Variants in GPC5 observed in about 807,000 individuals in gnomAD.
The protein encoded by GPC5 is glypican-5.
GPC5 carries 47 observed loss-of-function variants against 53.9 expected under a neutral mutation model. That is an observed-to-expected ratio of 0.87 (90% CI 0.69 to 1.11). The LOEUF (loss-of-function observed/expected upper bound fraction) is 1.11, where lower values mean the gene tolerates loss of function less well. Among genes scored for constraint, GPC5 ranks in the 50% most tolerant of loss-of-function variants. The probability of loss-of-function intolerance (pLI) is 0.00; values close to 1 mark genes in which losing one functional copy is unlikely to be tolerated. For missense variants in GPC5, 748 were observed against 713.1 expected (o/e 1.05, Z -0.56); for synonymous variants, 286 against 263.3 (o/e 1.09, Z -0.84).
At chr13:92,797,400 A>G (rs1385939260) in intron 7 of GPC5, among the ~76,000 whole-genome samples, 2 of 151,874 alleles carry the variant, frequency 1.3e-5, no homozygotes, top group African/African-American at 2.4e-5. Flanking sequence ...CTTTAACATA[A>G]GATTTGGTTA....
intron 7 of GPC5, among the ~76,000 whole-genome samples, chr13:92,585,790 T>C (rs982809258): frequency 1.3e-5 from 2 of 152,162 alleles, no homozygotes; most frequent in African/African-American, 4.8e-5. Context: ...GTTCTCATGA[T>C]AGTGAGTAAG....
intron 7 of GPC5, among the ~76,000 whole-genome samples, chr13:92,249,909 G>A (rs1040428348): frequency 6.6e-6 from 1 of 151,896 alleles, no homozygotes; most frequent in Non-Finnish European, 1.5e-5. Flanking sequence ...GACTCTCCTG[G>A]TAGCTGTCTT....
At chr13:91,513,566 C>A (rs575061230) in intron 2 of GPC5, among the ~76,000 whole-genome samples, 185 of 152,156 alleles carry the variant, frequency 1.2e-3, no homozygotes, top group African/African-American at 4.2e-3. Flanking sequence ...CATAGTGAAA[C>A]CCTGTCTCTA....
intron 6 of GPC5, among the ~76,000 whole-genome samples, chr13:92,127,105 A>AG (rs1049932322): frequency 7.2e-5 from 11 of 152,070 alleles, no homozygotes; most frequent in Non-Finnish European, 1.2e-4. Flanking sequence ...TTATAATGGA[A>AG]GGGGGGGTGA....
intron 5 of GPC5, among the ~76,000 whole-genome samples, chr13:91,896,053 T>C (rs2039438402): frequency 6.6e-6 from 1 of 151,966 alleles, no homozygotes; most frequent in African/African-American, 2.4e-5. Flanking sequence ...CAGGAACACA[T>C]GTGATTGTAT....
At chr13:92,036,448 G>A (rs746147903) in intron 6 of GPC5, among the ~76,000 whole-genome samples, 2 of 152,104 alleles carry the variant, frequency 1.3e-5, no homozygotes, top group African/African-American at 2.4e-5. Flanking sequence ...TTCTCAAGGC[G>A]CTTTCTTGAT....
chr13:91,964,034 G>C (rs1382171825), intron 6 of GPC5, among the ~76,000 whole-genome samples: 3 of 152,178 alleles, frequency 2.0e-5, no homozygotes, highest in Admixed American at 6.6e-5. Context: ...CCGACTTCAA[G>C]AATGAAGCCA....
chr13:92,418,097 T>C (rs1454842888), intron 7 of GPC5, among the ~76,000 whole-genome samples: 1 of 152,106 alleles, frequency 6.6e-6, no homozygotes, highest in Non-Finnish European at 1.5e-5. Flanking sequence ...TTAGAATTGG[T>C]GAATTTATAG....
At chr13:92,595,486 C>T (rs1034059116) in intron 7 of GPC5, among the ~76,000 whole-genome samples, 6 of 152,120 alleles carry the variant, frequency 3.9e-5, no homozygotes, top group Admixed American at 6.5e-5. Context: ...ATAGTATTTA[C>T]GGCCGGGCGC....
At chr13:92,664,840 T>A (rs1886517364) in intron 7 of GPC5, among the ~76,000 whole-genome samples, 1 of 152,066 alleles carries the variant, frequency 6.6e-6, no homozygotes, top group Non-Finnish European at 1.5e-5. Flanking sequence ...ACACTAAGAA[T>A]CAATCTAGAT....
chr13:91,488,781 G>A lies in GPC5; in HGVS notation c.325+39859G>A, dbSNP rs142039268. 8.5e-5 allele frequency among the ~76,000 whole-genome samples: 13 copies of A among 152,314 alleles called. No individual in the cohort carries two copies. The East Asian group carries it at 1.9e-3, about 23-fold the overall frequency. ...TGTTCAGGGAACAAGAGAGATAACC[G>A]TAAACTCTGACTGCTGGTGAGCCAG... On this transcript the variant is annotated intron_variant, in intron 2 of 7. Coordinates refer to ENST00000377067, the MANE Select transcript of GPC5 (RefSeq NM_004466.6).
rs139498133 is a variant in GPC5 at position 91,897,369 on chromosome 13, G to GCA, written c.1281-10567_1281-10566insAC. On this transcript the variant is annotated intron_variant, in intron 5 of 7. Transcript: ENST00000377067. ...TGTGTGTGTGTGTGTGTGTGTGTGTGCGCCTGTGCATGTGTATGCATTTCT... is the reference window on the plus strand; with the variant it reads ...TGTGTGTGTGTGTGTGTGTGTGTGTGCACGCCTGTGCATGTGTATGCATTTCT... Among the ~76,000 whole-genome samples, 83 of 59,708 alleles carry GCA rather than the reference G, an allele frequency of 1.4e-3. 1 individual carries two copies. Among genetic ancestry groups the GCA allele is most frequent in the East Asian group, 5.7e-3 (3 of 528 alleles). 39.2% of individuals were successfully genotyped at this position (59,708 alleles called of 152,430 possible).
intron 2 of GPC5, among the ~76,000 whole-genome samples, chr13:91,460,763 T>A (rs953889979): frequency 7.4e-6 from 1 of 135,738 alleles, no homozygotes; most frequent in African/African-American, 3.1e-5. Flanking sequence ...ATATTTCAGC[T>A]TTTTTTTTTC....
intron 6 of GPC5, among the ~76,000 whole-genome samples, chr13:92,069,228 A>G (rs1191969697): frequency 6.6e-6 from 1 of 152,090 alleles, no homozygotes; most frequent in Non-Finnish European, 1.5e-5. Context: ...TTATATGTCT[A>G]TCTCTATGCT....
chr13:92,442,400 T>C (rs951201388), intron 7 of GPC5, among the ~76,000 whole-genome samples: 2 of 152,192 alleles, frequency 1.3e-5, no homozygotes, highest in Non-Finnish European at 2.9e-5. Flanking sequence ...TTTAAAACTT[T>C]GCAGTAAATA....
chr13:91,959,171 AC>A (rs2139072275), intron 6 of GPC5, among the ~76,000 whole-genome samples: 1 of 151,642 alleles, frequency 6.6e-6, no homozygotes, highest in South Asian at 2.1e-4. Context: ...AGGAAGATTA[AC>A]CAATAAAAAA....
At chr13:92,242,619 A>G (rs2042621768) in intron 7 of GPC5, among the ~76,000 whole-genome samples, 1 of 152,158 alleles carries the variant, frequency 6.6e-6, no homozygotes, top group African/African-American at 2.4e-5. Context: ...ATAAAGAAAG[A>G]GTCATGACAA....
intron 2 of GPC5, among the ~76,000 whole-genome samples, chr13:91,641,161 AC>A (rs2034418763): frequency 6.6e-6 from 1 of 152,110 alleles, no homozygotes; most frequent in African/African-American, 2.4e-5. Context: ...CGCAGTCTTT[AC>A]TAAAAATACA....
chr13:91,530,010 G>A (rs1886264663), intron 2 of GPC5, among the ~76,000 whole-genome samples: 1 of 152,016 alleles, frequency 6.6e-6, no homozygotes, highest in African/African-American at 2.4e-5. Context: ...AAGCTCTCAA[G>A]TCTTCAGATA....
Sources: allele counts gnomAD v4.1 joint callset (sites outside exome capture counted in the v4.1 genomes callset), GRCh38; gene constraint gnomAD v4.1.1; transcripts MANE v1.5; gene names NCBI Gene and HGNC (gene_info 2026-07-23, HGNC 2026-07-21).